The following FKBP9 variants were observed in gnomAD, a reference collection of about 807,000 sequenced individuals.
FKBP9 encodes FKBP prolyl isomerase 9.
In FKBP9, 27 loss-of-function variants were observed where a neutral mutation model predicts 55.6. The ratio of observed to expected loss-of-function variants is 0.49; its 90% CI spans 0.36 to 0.67. The LOEUF (loss-of-function observed/expected upper bound fraction) is 0.67. FKBP9 is among the 30% of genes least tolerant of loss of function. FKBP9 has a pLI of 0.00. For synonymous variants in FKBP9, 267 were observed against 296.5 expected (o/e 0.90, Z 1.02); for missense variants, 539 against 742.8 (o/e 0.73, Z 3.19).
At position 32,968,962 on chromosome 7, in the gene FKBP9, T is replaced by C. The variant is rs1040027000; in HGVS notation, c.222-5655T>C. Among the ~76,000 whole-genome samples, 5 of 152,104 alleles carry C rather than the reference T, an allele frequency of 3.3e-5. 1 individual carries two copies. The highest frequency in any genetic ancestry group is 4.1e-4 in the South Asian group (2 of 4,828). ...CATGAGCCACCATGCCTGGCCTGCA[T>C]TGTGGTTTTTGATTTGCATTTCTCT... On this transcript the variant is annotated intron_variant, in intron 1 of 9. Transcript: ENST00000242209.
chr7:32,967,888 G>A (rs930109308), intron 1 of FKBP9, among the ~76,000 whole-genome samples: 5 of 151,982 alleles, frequency 3.3e-5, no homozygotes, highest in African/African-American at 7.2e-5. Context: ...CTGAGTAGCT[G>A]GGATTACAGG....
At chr7:32,981,484 G>A (rs901375621) in intron 5 of FKBP9, among the ~76,000 whole-genome samples, 8 of 152,222 alleles carry the variant, frequency 5.3e-5, no homozygotes, top group African/African-American at 1.9e-4. Flanking sequence ...AGTGGCATGT[G>A]TTGTTTGAAA....
intron 6 of FKBP9, among the ~76,000 whole-genome samples, chr7:32,992,426 G>T (rs1784704440): frequency 6.6e-6 from 1 of 152,186 alleles, no homozygotes; most frequent in Admixed American, 6.5e-5. Flanking sequence ...TCTTGGGTGG[G>T]CTATTGGCCG....
At chr7:33,003,901 C>A (rs1313319594) in intron 9 of FKBP9, among the ~76,000 whole-genome samples, 1 of 152,092 alleles carries the variant, frequency 6.6e-6, no homozygotes, top group Admixed American at 6.5e-5. Flanking sequence ...CCAGTCCAGT[C>A]TTCTCTCTCC....
At chr7:32,965,239 T>C (rs1784109242) in intron 1 of FKBP9, among the ~76,000 whole-genome samples, 1 of 152,076 alleles carries the variant, frequency 6.6e-6, no homozygotes, top group South Asian at 2.1e-4. Context: ...CAAGCAATTC[T>C]CATGCCTCAG....
intron 5 of FKBP9, among the ~76,000 whole-genome samples, chr7:32,985,132 C>T (rs912875400): frequency 6.6e-5 from 10 of 151,708 alleles, no homozygotes; most frequent in African/African-American, 2.2e-4. Context: ...CACCTCCCCT[C>T]TTCATAGGGA....
In FKBP9 at chr7:33,005,359, A is replaced by G. The variant is rs1409971664; in HGVS notation, c.*8A>G. The G allele has an allele frequency of 6.2e-7, 1 of 1,614,124 alleles. No individual in the cohort carries two copies. Among genetic ancestry groups the G allele is most frequent in the East Asian group, 2.2e-5 (1 of 44,876 alleles). Reference sequence around the variant, plus strand: ...AAACACGATGAACTCTAAACCTGGCATGAACCAGATGGTGCCAGGGAGTAC... The same window carrying G: ...AAACACGATGAACTCTAAACCTGGCGTGAACCAGATGGTGCCAGGGAGTAC... On this transcript the variant is annotated 3_prime_UTR_variant, in exon 10 of 10. Coordinates refer to ENST00000242209, the MANE Select transcript of FKBP9 (RefSeq NM_007270.5).
Position 32,957,514 on chromosome 7 carries a change from A to C in FKBP9, c.-60A>C. 7.9e-7 allele frequency: 1 copy of C among 1,272,484 alleles called. No individual in the cohort carries two copies. The highest frequency in any genetic ancestry group is 1.0e-6 in the Non-Finnish European group (1 of 988,694). The allele number at this position is 1,272,484 out of a possible 1,614,324, so 78.8% of individuals were successfully genotyped here. On this transcript the variant is annotated 5_prime_UTR_variant, in exon 1 of 10. Coordinates refer to ENST00000242209, the MANE Select transcript of FKBP9 (RefSeq NM_007270.5). ...CGTTTGCAAACGCAGCCGAACGCCCAGGCCGACCCGTGCCGCCCGAGCGCC... is the reference window on the plus strand; with the variant it reads ...CGTTTGCAAACGCAGCCGAACGCCCCGGCCGACCCGTGCCGCCCGAGCGCC...
chr7:32,991,662 A>T (rs1207291454), intron 6 of FKBP9, among the ~76,000 whole-genome samples: 1 of 151,610 alleles, frequency 6.6e-6, no homozygotes, highest in African/African-American at 2.4e-5. Flanking sequence ...GGTGGAGGGG[A>T]AAGGGTAGGC....
chr7:32,965,847 G>GTACACACATATATATATATA (rs1323725996), intron 1 of FKBP9, among the ~76,000 whole-genome samples: 2 of 34,888 alleles, frequency 5.7e-5, no homozygotes, highest in African/African-American at 2.8e-4. Context: ...ATATATATGT[G>GTACACACATATATATATATA]TGTACAGATA....
chr7:32,958,721 CT>C (rs961863512), intron 1 of FKBP9, among the ~76,000 whole-genome samples: 1 of 152,226 alleles, frequency 6.6e-6, no homozygotes, highest in Non-Finnish European at 1.5e-5. Context: ...CGTCACTCTG[CT>C]TTATACCAGG....
chr7:32,991,097 A>G (rs1362689291), intron 6 of FKBP9, among the ~76,000 whole-genome samples: 1 of 152,226 alleles, frequency 6.6e-6, no homozygotes, highest in African/African-American at 2.4e-5. Context: ...AGAAACAGAT[A>G]AATACTTTCT....
rs187615842 is a variant in FKBP9, at chr7:33,005,419, G to A, written c.*68G>A. The A allele has an allele frequency of 2.7e-5, 42 of 1,571,034 alleles. No individual in the cohort carries two copies. In the African/African-American group the frequency reaches 5.4e-4, roughly 20 times the overall value. On this transcript the variant is annotated 3_prime_UTR_variant, in exon 10 of 10. Transcript: ENST00000242209. Reference sequence around the variant, plus strand: ...AGCCACCTGTGTGGCAAGACGTGCAGTGAGGGTGCAAGGGTCTCTCAGAAG... The same window carrying A: ...AGCCACCTGTGTGGCAAGACGTGCAATGAGGGTGCAAGGGTCTCTCAGAAG...
chr7:32,982,243 A>G (rs914880644), intron 5 of FKBP9, among the ~76,000 whole-genome samples: 74 of 151,802 alleles, frequency 4.9e-4, no homozygotes, highest in Middle Eastern at 6.8e-3. Flanking sequence ...CTGGTCTCGA[A>G]CTCCTGACCT....
chr7:32,957,608 C>G lies in FKBP9; in HGVS notation c.35C>G (p.Pro12Arg). The G allele has an allele frequency of 6.7e-7, 1 of 1,481,514 alleles. No homozygotes were observed. 91.8% of individuals were successfully genotyped at this position (1,481,514 alleles called of 1,614,324 possible). ...CGGGGCTGGAGGCCCCCGCCGCCAC[C>G]GCTGCTCCTGCTGCTGCTCTGGGTG... is the stretch of plus-strand genomic sequence containing the variant. ...AFRGWRPPPPPLLLLLLWVTG... is the reference protein window; with the variant it reads ...AFRGWRPPPPRLLLLLLWVTG... The change falls in exon 1 of 10, where the codon CCG (proline) becomes CGG (arginine). Residue 12 changes from proline to arginine, a missense_variant. Physicochemically the swap from Pro to Arg is moderately radical, Grantham distance 103. Transcript: ENST00000242209.
rs755375317 is a variant in FKBP9, at chr7:32,980,413, G to A, written c.753G>A (p.Leu251=). 1 of 1,613,428 alleles carries A rather than the reference G, an allele frequency of 6.2e-7. No homozygotes were observed. Among genetic ancestry groups the A allele is most frequent in the Non-Finnish European group, 8.5e-7 (1 of 1,179,718 alleles). ...CTCTGGTGTTTGATGTTGCATTATT[G>A]GACCTCCATAACCCCAAGGACAGCA... The part of the protein sequence containing the change: ...QASLVFDVAL[L]DLHNPKDSIS... The change falls in exon 5 of 10, where the codon TTG becomes TTA. Residue 251 remains leucine, a synonymous_variant. Coordinates refer to ENST00000242209, the MANE Select transcript of FKBP9 (RefSeq NM_007270.5).
At chr7:32,997,312 T>G (rs563422384) in intron 7 of FKBP9, among the ~76,000 whole-genome samples, 16 of 152,296 alleles carry the variant, frequency 1.1e-4, no homozygotes, top group Middle Eastern at 3.4e-3. Context: ...GTTCAGGTGA[T>G]CCTCCTGCCT....
At chr7:32,964,813 C>T (rs1471478694) in intron 1 of FKBP9, among the ~76,000 whole-genome samples, 7 of 152,148 alleles carry the variant, frequency 4.6e-5, no homozygotes, top group Non-Finnish European at 8.8e-5. Flanking sequence ...AGGTGTTAGG[C>T]AGAAAAGCCA....
At chr7:32,979,387 A>G (rs372794045) in intron 4 of FKBP9, 7 of 712,912 alleles carry the variant, frequency 9.8e-6, no homozygotes, top group Non-Finnish European at 1.5e-5. Flanking sequence ...TCTCCCACGC[A>G]TGCGATTTAG....
Sources: allele counts gnomAD v4.1 joint callset (sites outside exome capture counted in the v4.1 genomes callset), GRCh38; gene constraint gnomAD v4.1.1; transcripts MANE v1.5; gene names NCBI Gene and HGNC (gene_info 2026-07-23, HGNC 2026-07-21).